Variants in NR3C2 observed in about 807,000 individuals in gnomAD.
NR3C2 encodes the protein mineralocorticoid receptor.
A neutral mutation model predicts 86.4 loss-of-function variants in NR3C2; 15 were observed. The observed-to-expected ratio is 0.17, with a 90% confidence interval of 0.12 to 0.27. The LOEUF (loss-of-function observed/expected upper bound fraction) is 0.27. Among genes scored for constraint, NR3C2 ranks in the 10% least tolerant of loss-of-function variants. The pLI is 1.00. For synonymous variants in NR3C2, 458 were observed against 450.5 expected (o/e 1.02, Z -0.21); for missense variants, 960 against 1,195.6 (o/e 0.80, Z 2.91).
chr4:148,376,145 CAAA>C (rs70962716), intron 2 of NR3C2, among the ~76,000 whole-genome samples: 9 of 105,828 alleles, frequency 8.5e-5, no homozygotes, highest in South Asian at 3.4e-4. Context: ...AGGAGTAAGG[CAAA>C]AAAAAAAAAA....
At chr4:148,219,012 G>C (rs938985583) in intron 3 of NR3C2, among the ~76,000 whole-genome samples, 2 of 152,132 alleles carry the variant, frequency 1.3e-5, no homozygotes, top group Non-Finnish European at 2.9e-5. Context: ...TTAAGTGTAT[G>C]TTTAATATTT....
chr4:148,164,558 T>C lies in NR3C2; in HGVS notation c.2015-9657A>G, dbSNP rs150505497. Among the ~76,000 whole-genome samples, 697 of 152,350 alleles carry C rather than the reference T, an allele frequency of 4.6e-3. 20 individuals are homozygous for C. In the East Asian group the frequency reaches 0.051, roughly 11 times the overall value. The stretch of plus-strand genomic sequence containing the variant: ...AAAAAAGAAAACCTCTAAGTAGTTT[T>C]ATAATACATTTAAAATAAGAAAAAT... On this transcript the variant is annotated intron_variant, in intron 4 of 8. Transcript: ENST00000358102.
chr4:148,414,012 T>C (rs1331488445), intron 2 of NR3C2, among the ~76,000 whole-genome samples: 1 of 152,206 alleles, frequency 6.6e-6, no homozygotes, highest in South Asian at 2.1e-4. Context: ...AATTTGTCTC[T>C]GCAGCACTAC....
rs116527814 is a variant in NR3C2, at chr4:148,172,131, C to T, written c.2015-17230G>A. On this transcript the variant is annotated intron_variant, in intron 4 of 8. Coordinates refer to ENST00000358102, the MANE Select transcript of NR3C2 (RefSeq NM_000901.5). Reference sequence around the variant, plus strand: ...ATTCTTTGTGTTTTTACATTTGTCTCGGGGGCTTATTTGTCCCTCCTTTAC... The same window carrying T: ...ATTCTTTGTGTTTTTACATTTGTCTTGGGGGCTTATTTGTCCCTCCTTTAC... Among the ~76,000 whole-genome samples the T allele has an allele frequency of 7.1e-3, 1,083 of 151,984 alleles. 9 individuals are homozygous for T. The highest frequency in any genetic ancestry group is 0.025 in the African/African-American group (1,037 of 41,452).
intron 2 of NR3C2, among the ~76,000 whole-genome samples, chr4:148,320,998 T>C (rs1180474700): frequency 1.3e-5 from 2 of 150,426 alleles, no homozygotes; most frequent in Admixed American, 6.6e-5. Flanking sequence ...CTTTCCTGCT[T>C]TCTCTTGTGG....
At chr4:148,344,171 T>C (rs1744882970) in intron 2 of NR3C2, among the ~76,000 whole-genome samples, 1 of 152,108 alleles carries the variant, frequency 6.6e-6, no homozygotes, top group Non-Finnish European at 1.5e-5. Flanking sequence ...CTCTCTAAAA[T>C]AACATAAATG....
intron 2 of NR3C2, among the ~76,000 whole-genome samples, chr4:148,310,154 A>G (rs536752757): frequency 1.3e-5 from 2 of 152,308 alleles, no homozygotes; most frequent in Admixed American, 1.3e-4. Flanking sequence ...ACTTACATAG[A>G]CTTATGCTAG....
chr4:148,347,726 T>G (rs1745066756), intron 2 of NR3C2, among the ~76,000 whole-genome samples: 1 of 152,130 alleles, frequency 6.6e-6, no homozygotes, highest in African/African-American at 2.4e-5. Flanking sequence ...CAAACCAAAT[T>G]TCTTGCACTC....
At chr4:148,227,264 T>C (rs574857478) in intron 3 of NR3C2, among the ~76,000 whole-genome samples, 10 of 152,182 alleles carry the variant, frequency 6.6e-5, no homozygotes, top group Non-Finnish European at 1.3e-4. Context: ...TGAGTTTGAA[T>C]TGTCTGATAT....
At chr4:148,402,011 A>G (rs6831376) in intron 2 of NR3C2, among the ~76,000 whole-genome samples, 15,836 of 152,118 alleles carry the variant, frequency 0.1, 985 homozygotes, top group Middle Eastern at 0.33. Flanking sequence ...GTAACTGTAA[A>G]TACTTTAAAG....
At chr4:148,332,464 G>A (rs1212837615) in intron 2 of NR3C2, among the ~76,000 whole-genome samples, 3 of 152,026 alleles carry the variant, frequency 2.0e-5, no homozygotes, top group East Asian at 1.9e-4. Context: ...ATGAATATAC[G>A]TCCCTCCCAT....
intron 3 of NR3C2, among the ~76,000 whole-genome samples, chr4:148,221,974 T>G (rs140386160): frequency 6.6e-6 from 1 of 151,766 alleles, no homozygotes; most frequent in Non-Finnish European, 1.5e-5. Context: ...ACTTATAAAT[T>G]TGTGCATACA....
chr4:148,128,593 T>C (rs1047450915), intron 6 of NR3C2, among the ~76,000 whole-genome samples: 4 of 152,324 alleles, frequency 2.6e-5, no homozygotes, highest in Admixed American at 2.6e-4. Flanking sequence ...TTCCACTGTC[T>C]AAATCTGTGG....
chr4:148,166,427 T>C (rs1467248080), intron 4 of NR3C2, among the ~76,000 whole-genome samples: 3 of 152,234 alleles, frequency 2.0e-5, no homozygotes, highest in Non-Finnish European at 4.4e-5. Flanking sequence ...TGCCCAGCTC[T>C]GTTTACAGGA....
intron 4 of NR3C2, among the ~76,000 whole-genome samples, chr4:148,188,033 G>A (rs1430313512): frequency 1.3e-5 from 2 of 152,076 alleles, no homozygotes; most frequent in Non-Finnish European, 2.9e-5. Context: ...CTAAGTATCT[G>A]GGTTTATTTC....
intron 2 of NR3C2, among the ~76,000 whole-genome samples, chr4:148,307,815 A>G (rs912431645): frequency 6.6e-6 from 1 of 151,900 alleles, no homozygotes; most frequent in Admixed American, 6.6e-5. Context: ...TATGGCAAAA[A>G]GAGCCAGTAT....
intron 2 of NR3C2, among the ~76,000 whole-genome samples, chr4:148,313,434 T>C (rs58938017): frequency 0.044 from 6,770 of 152,274 alleles, 488 homozygotes; most frequent in African/African-American, 0.15. Context: ...CTTTTATCAA[T>C]TGAAAAATCT....
At chr4:148,260,188 CA>C in intron 2 of NR3C2, 71 bp from the exon 3 acceptor site, 1 of 1,581,492 alleles carries the variant, frequency 6.3e-7, no homozygotes. Flanking sequence ...CAGCTTAGCT[CA>C]AAATTTGTCA....
At chr4:148,155,856 G>C (rs11099679) in intron 4 of NR3C2, among the ~76,000 whole-genome samples, 1 of 151,714 alleles carries the variant, frequency 6.6e-6, no homozygotes, top group Non-Finnish European at 1.5e-5. Context: ...ACCTGACTTC[G>C]AACTATACTA....
Sources: allele counts gnomAD v4.1 joint callset (sites outside exome capture counted in the v4.1 genomes callset), GRCh38; gene constraint gnomAD v4.1.1; transcripts MANE v1.5; gene names NCBI Gene and HGNC (gene_info 2026-07-23, HGNC 2026-07-21).